Variants in FGFR1 observed in about 807,000 individuals in gnomAD.
The protein encoded by FGFR1 is fibroblast growth factor receptor 1, also known as FGFR1/PLAG1 fusion.
In FGFR1, 18 loss-of-function variants were observed where a neutral mutation model predicts 93.7. That is an observed-to-expected ratio of 0.19 (90% CI 0.13 to 0.28). The LOEUF (loss-of-function observed/expected upper bound fraction) is 0.28. Among genes scored for constraint, FGFR1 ranks in the 10% least tolerant of loss-of-function variants. The pLI is 1.00. For synonymous variants in FGFR1, 448 were observed against 429.3 expected (o/e 1.04, Z -0.54); for missense variants, 731 against 1,080.4 (o/e 0.68, Z 4.53).
chr8:38,452,378 A>AGG (rs1831373570), intron 2 of FGFR1, among the ~76,000 whole-genome samples: 1 of 152,062 alleles, frequency 6.6e-6, no homozygotes, highest in Non-Finnish European at 1.5e-5. Context: ...TTTTAAAGAC[A>AGG]GGGTCTCCTT....
intron 2 of FGFR1, among the ~76,000 whole-genome samples, chr8:38,456,577 CCCTTATAGAAGATGTG>C (rs1832902604): frequency 6.6e-6 from 1 of 152,132 alleles, no homozygotes; most frequent in Non-Finnish European, 1.5e-5. Context: ...TGACTGCTGA[CCCTTATAGAAGATGTG>C]CCTTTTTTTC....
chr8:38,425,181 C>T (rs969685280), intron 6 of FGFR1, among the ~76,000 whole-genome samples: 5 of 151,988 alleles, frequency 3.3e-5, no homozygotes, highest in Non-Finnish European at 2.9e-5. Context: ...CACTCTGTCA[C>T]CCATGCTGGA....
intron 7 of FGFR1, chr8:38,423,171 G>A (rs747250463): frequency 1.5e-5 from 12 of 779,084 alleles, no homozygotes; most frequent in Middle Eastern, 2.2e-4. Context: ...ATTAATCCCC[G>A]AATGCTGGAA....
intron 5 of FGFR1, among the ~76,000 whole-genome samples, chr8:38,427,422 G>C (rs1301061389): frequency 6.6e-6 from 1 of 152,116 alleles, no homozygotes; most frequent in Admixed American, 6.6e-5. Context: ...GGGATTACAG[G>C]AGCCTGCCAC....
In FGFR1 at chr8:38,429,663, G is replaced by T. The variant is rs536559654; in HGVS notation, c.358+19C>A. The T allele has an allele frequency of 2.6e-6, 4 of 1,558,994 alleles. No individual in the cohort carries two copies. The East Asian group carries it at 9.6e-5, about 38-fold the overall frequency. ...GGGGTGGGTCTAGGGAGGGGCAAGG[G>T]CAGGGCTTGGCTACCAACCTGAAAC... On this transcript the variant is annotated intron_variant, in intron 3 of 17. Transcript: ENST00000447712. This position sits in a 1 kb window ranked among gnomAD's most constrained non-coding sequence, Gnocchi z 4.4.
intron 7 of FGFR1, 172 bp from the exon 8 acceptor site, chr8:38,422,113 G>A (rs888233787): frequency 1.9e-5 from 14 of 735,110 alleles, no homozygotes; most frequent in African/African-American, 1.4e-4. Context: ...ACCTGTTAGA[G>A]GAAGAGGGTG....
At chr8:38,428,770 C>T in intron 3 of FGFR1, 1 of 396,862 alleles carries the variant, frequency 2.5e-6, no homozygotes, top group South Asian at 2.2e-5. Context: ...AGCCAGGCAA[C>T]CTGTATTCTT....
intron 2 of FGFR1, among the ~76,000 whole-genome samples, chr8:38,442,466 T>C (rs2151136359): frequency 6.6e-6 from 1 of 151,770 alleles, no homozygotes. Context: ...CTCCCAGCCA[T>C]GTGTCTGCAG....
At chr8:38,418,457 A>G in intron 9 of FGFR1, 84 bp from the exon 10 acceptor site, 2 of 1,452,554 alleles carry the variant, frequency 1.4e-6, no homozygotes, top group Admixed American at 3.9e-5. Context: ...CTTCCCAACA[A>G]TGGCAGAGGC....
chr8:38,427,776 C>T, intron 5 of FGFR1, 145 bp downstream of exon 5: 12 of 838,888 alleles, frequency 1.4e-5, no homozygotes, highest in Non-Finnish European at 2.3e-5. Context: ...ACTTTATTTG[C>T]ATTTTTTTGT....
intron 2 of FGFR1, among the ~76,000 whole-genome samples, chr8:38,453,439 A>C (rs1332185228): frequency 6.6e-6 from 1 of 152,258 alleles, no homozygotes. Context: ...CATTATCAAT[A>C]TATTTTATAA....
chr8:38,462,698 C>T (rs115041322), intron 1 of FGFR1, among the ~76,000 whole-genome samples: 419 of 151,886 alleles, frequency 2.8e-3, no homozygotes, highest in African/African-American at 9.5e-3. Context: ...CAACCACCGC[C>T]TCCCGGGTTC....
chr8:38,419,518 C>A lies in FGFR1; in HGVS notation c.1284+15G>T, dbSNP rs758931621. ...GAGAGGTGGTGCTGAGTGTGCAAAT[C>A]CCCCATCTACTTTCTGTTACCTGTC... On this transcript the variant is annotated intron_variant, in intron 9 of 17. Coordinates refer to ENST00000447712, the MANE Select transcript of FGFR1 (RefSeq NM_023110.3). 1 of 1,611,488 alleles carries A rather than the reference C, an allele frequency of 6.2e-7. No homozygotes were observed. The highest frequency in any genetic ancestry group is 8.5e-7 in the Non-Finnish European group (1 of 1,177,812).
At chr8:38,427,466 G>A (rs1821202751) in intron 5 of FGFR1, among the ~76,000 whole-genome samples, 1 of 152,200 alleles carries the variant, frequency 6.6e-6, no homozygotes, top group South Asian at 2.1e-4. Flanking sequence ...TTTTAGTACA[G>A]AGGAGGTTTC....
chr8:38,468,422 T>C lies in FGFR1; in HGVS notation c.-530A>G, dbSNP rs1278024316. On this transcript the variant is annotated 5_prime_UTR_variant, in exon 1 of 18. Coordinates refer to ENST00000447712, the MANE Select transcript of FGFR1 (RefSeq NM_023110.3). ...AGAAAAGTCCTTGGGTTCCGCGGCT[T>C]TTCAAGCAGCGGCGCGCTCGCGGCC... 8.8e-6 allele frequency: 2 copies of C among 228,066 alleles called. No individual in the cohort carries two copies. Among genetic ancestry groups the C allele is most frequent in the Non-Finnish European group, 1.7e-5 (2 of 114,676 alleles). 14.1% of individuals were successfully genotyped at this position (228,066 alleles called of 1,614,324 possible).
At chr8:38,421,560 G>C in intron 8 of FGFR1, 1 of 589,492 alleles carries the variant, frequency 1.7e-6, no homozygotes, top group Non-Finnish European at 3.1e-6. Flanking sequence ...ATGGCCAGGG[G>C]GAGAGCAGAG....
chr8:38,418,699 T>C, intron 9 of FGFR1: 1 of 398,780 alleles, frequency 2.5e-6, no homozygotes, highest in Non-Finnish European at 4.7e-6. Context: ...TACTTTGCCT[T>C]AGCTTATGGA....
At chr8:38,460,495 G>T (rs140593634) in intron 1 of FGFR1, among the ~76,000 whole-genome samples, 148 of 152,300 alleles carry the variant, frequency 9.7e-4, no homozygotes, top group African/African-American at 3.4e-3. Context: ...TGGCCACTCT[G>T]TCCCCAGAAA....
intron 2 of FGFR1, among the ~76,000 whole-genome samples, chr8:38,443,573 T>G (rs1828286733): frequency 6.6e-6 from 1 of 151,554 alleles, no homozygotes; most frequent in Non-Finnish European, 1.5e-5. Flanking sequence ...CTTGGGAGGC[T>G]GAGGTGGGAG....
Sources: gnomAD v4.1 joint callset for allele counts (sites outside exome capture counted in the v4.1 genomes callset) on GRCh38, gnomAD v4.1.1 for gene constraint, Gnocchi (gnomAD v3.1) non-coding constraint, MANE v1.5 for transcripts, NCBI Gene and HGNC (gene_info 2026-07-23, HGNC 2026-07-21) for gene names.